TAS2R1: variants seen among roughly 807,000 people sequenced by gnomAD.
TAS2R1 encodes the protein taste receptor type 2 member 1.
For synonymous variants in TAS2R1, 141 were observed against 134.2 expected (o/e 1.05, Z -0.35); for missense variants, 370 against 353.4 (o/e 1.05, Z -0.38).
At chr5:9,691,574 T>C (rs1408084826) in intron 1 of TAS2R1, among the ~76,000 whole-genome samples, 1 of 152,208 alleles carries the variant, frequency 6.6e-6, no homozygotes, top group African/African-American at 2.4e-5. Context: ...CCTTATTTCA[T>C]ATCGTAAGGA....
At chr5:9,826,012 T>C in the TAS2R1 span, among the ~76,000 whole-genome samples, 1 of 152,222 alleles carries the variant, frequency 6.6e-6, no homozygotes, top group Admixed American at 6.5e-5. Flanking sequence ...ACCAAGCTGA[T>C]ATTGTTTCTA....
chr5:9,872,955 C>T, the TAS2R1 span, among the ~76,000 whole-genome samples: 1 of 152,166 alleles, frequency 6.6e-6, no homozygotes, highest in African/African-American at 2.4e-5. Flanking sequence ...TAATTGCAAT[C>T]ATTTTTTTGA....
At chr5:9,812,509 T>C in the TAS2R1 span, among the ~76,000 whole-genome samples, 2 of 151,892 alleles carry the variant, frequency 1.3e-5, no homozygotes, top group Non-Finnish European at 2.9e-5. Context: ...AACAAAACTA[T>C]GGCCAAAGTC....
the TAS2R1 span, among the ~76,000 whole-genome samples, chr5:9,728,330 C>A: frequency 6.6e-6 from 1 of 152,214 alleles, no homozygotes; most frequent in African/African-American, 2.4e-5. Flanking sequence ...TCACTGGTTT[C>A]ATAACAGACA....
At chr5:9,866,557 A>C in the TAS2R1 span, among the ~76,000 whole-genome samples, 1 of 152,110 alleles carries the variant, frequency 6.6e-6, no homozygotes, top group Middle Eastern at 3.2e-3. Flanking sequence ...TCTGGGACTG[A>C]GCTGATTAGA....
At chr5:9,721,267 C>G in the TAS2R1 span, among the ~76,000 whole-genome samples, 1 of 152,110 alleles carries the variant, frequency 6.6e-6, no homozygotes, top group Admixed American at 6.6e-5. Context: ...TAAAATGGTC[C>G]AGAAGAAAGT....
chr5:9,835,323 T>G, the TAS2R1 span, among the ~76,000 whole-genome samples: 2 of 152,150 alleles, frequency 1.3e-5, no homozygotes, highest in Non-Finnish European at 1.5e-5. Context: ...TGTCCCCACA[T>G]TCATGTGACG....
intron 1 of TAS2R1, among the ~76,000 whole-genome samples, chr5:9,667,620 A>C (rs771461199): frequency 6.6e-6 from 1 of 152,168 alleles, no homozygotes; most frequent in Non-Finnish European, 1.5e-5. Flanking sequence ...GGAGCAGAAC[A>C]CCCAACAAAA....
At chr5:9,769,450 TATAAAGG>T in the TAS2R1 span, among the ~76,000 whole-genome samples, 2 of 152,184 alleles carry the variant, frequency 1.3e-5, no homozygotes, top group Non-Finnish European at 2.9e-5. Flanking sequence ...TGCTGGATTA[TATAAAGG>T]TTCTATTTAT....
At chr5:9,725,869 G>A in the TAS2R1 span, among the ~76,000 whole-genome samples, 5 of 143,448 alleles carry the variant, frequency 3.5e-5, no homozygotes, top group African/African-American at 5.9e-5. Context: ...CCTGTGTCTA[G>A]CTCAGGGTTT....
At chr5:9,815,192 C>T in the TAS2R1 span, among the ~76,000 whole-genome samples, 1 of 152,186 alleles carries the variant, frequency 6.6e-6, no homozygotes, top group Non-Finnish European at 1.5e-5. Context: ...GATTCCTTGA[C>T]ACTTGGAGAC....
intron 2 of TAS2R1, among the ~76,000 whole-genome samples, chr5:9,657,312 T>C (rs1354049680): frequency 6.6e-6 from 1 of 152,226 alleles, no homozygotes; most frequent in Admixed American, 6.5e-5. Context: ...TTGACTTACA[T>C]AGGCTACATC....
chr5:9,708,775 T>G (rs3105161), intron 1 of TAS2R1, among the ~76,000 whole-genome samples: 34,777 of 152,092 alleles, frequency 0.23, 4,750 homozygotes, highest in Middle Eastern at 0.31. Flanking sequence ...ATGCCCAACC[T>G]GTGCTGACTT....
intron 1 of TAS2R1, among the ~76,000 whole-genome samples, chr5:9,689,846 A>C (rs1741199303): frequency 6.6e-6 from 1 of 152,234 alleles, no homozygotes; most frequent in Admixed American, 6.5e-5. Context: ...ATGAGTGAGA[A>C]TCTCTTTATT....
chr5:9,757,935 G>C, the TAS2R1 span, among the ~76,000 whole-genome samples: 1 of 151,676 alleles, frequency 6.6e-6, no homozygotes, highest in Admixed American at 6.6e-5. Flanking sequence ...AACAACCCAA[G>C]TAAAATAACA....
At chr5:9,699,368 A>G (rs1741430339) in intron 1 of TAS2R1, among the ~76,000 whole-genome samples, 1 of 152,236 alleles carries the variant, frequency 6.6e-6, no homozygotes, top group Admixed American at 6.5e-5. Flanking sequence ...ATTAATATGT[A>G]GCTGATGCCA....
chr5:9,686,145 G>A (rs372133530), intron 1 of TAS2R1, among the ~76,000 whole-genome samples: 41 of 152,282 alleles, frequency 2.7e-4, no homozygotes, highest in Admixed American at 4.6e-4. Flanking sequence ...GATTACAGGC[G>A]TGTGCCACCG....
the TAS2R1 span, among the ~76,000 whole-genome samples, chr5:9,790,943 A>G: frequency 6.6e-6 from 1 of 152,080 alleles, no homozygotes; most frequent in Non-Finnish European, 1.5e-5. Context: ...CCTGGCCTAT[A>G]AAATAATATT....
chr5:9,831,391 G>A, the TAS2R1 span, among the ~76,000 whole-genome samples: 14 of 151,522 alleles, frequency 9.2e-5, no homozygotes, highest in Admixed American at 7.2e-4. Context: ...ATAGTGTCAC[G>A]AAACAATAAA....
Sources: gnomAD v4.1 joint callset for allele counts (sites outside exome capture counted in the v4.1 genomes callset) on GRCh38, gnomAD v4.1.1 for gene constraint, MANE v1.5 for transcripts, NCBI Gene and HGNC (gene_info 2026-07-23, HGNC 2026-07-21) for gene names.